TIAM1: variants seen among roughly 807,000 people sequenced by gnomAD.
TIAM1 encodes the protein TIAM Rac1 associated GEF 1.
A neutral mutation model predicts 163.5 loss-of-function variants in TIAM1; 65 were observed. The ratio of observed to expected loss-of-function variants is 0.40; its 90% CI spans 0.33 to 0.49. The LOEUF (loss-of-function observed/expected upper bound fraction) is 0.49, where lower values mean the gene tolerates loss of function less well. Ranked by LOEUF, TIAM1 falls within the 20% of genes least tolerant of loss-of-function variation. The pLI, the probability that TIAM1 is intolerant of heterozygous loss-of-function variation, is 0.77. For synonymous variants in TIAM1, 833 were observed against 810.1 expected (o/e 1.03, Z -0.48); for missense variants, 1,789 against 2,044.7 (o/e 0.87, Z 2.41).
intron 2 of TIAM1, among the ~76,000 whole-genome samples, chr21:31,415,076 T>C (rs572165648): frequency 3.9e-5 from 6 of 152,218 alleles, no homozygotes; most frequent in South Asian, 2.1e-4. Context: ...CTTACACCTA[T>C]AAAACTAAAG....
intron 1 of TIAM1, among the ~76,000 whole-genome samples, chr21:31,468,019 G>A (rs1165160489): frequency 6.6e-6 from 1 of 151,584 alleles, no homozygotes; most frequent in Non-Finnish European, 1.5e-5. Flanking sequence ...CTGGGAGGTG[G>A]AGGTTGCAGT....
chr21:31,452,631 C>T (rs2044910135), intron 2 of TIAM1: 1 of 489,368 alleles, frequency 2.0e-6, no homozygotes, highest in African/African-American at 2.0e-5. Context: ...AAGACTTATC[C>T]ATAATATTTT....
intron 20 of TIAM1, 39 bp downstream of exon 20, chr21:31,146,856 A>G (rs1187717144): frequency 1.3e-6 from 2 of 1,551,926 alleles, no homozygotes; most frequent in African/African-American, 2.7e-5. Flanking sequence ...ACAACTGACA[A>G]GCAACACACC....
chr21:31,543,330 G>A (rs959124480), intron 1 of TIAM1, among the ~76,000 whole-genome samples: 4 of 152,194 alleles, frequency 2.6e-5, no homozygotes, highest in Non-Finnish European at 5.9e-5. Context: ...AATGACCTGC[G>A]CGTCATGCGT....
rs142711558 is a variant in TIAM1 at position 31,354,132 on chromosome 21, C to T, written c.-368-14710G>A. 1.4e-3 allele frequency among the ~76,000 whole-genome samples: 214 copies of T among 152,054 alleles called. 1 individual carries two copies. Among genetic ancestry groups the T allele is most frequent in the African/African-American group, 4.9e-3 (203 of 41,468 alleles). On this transcript the variant is annotated intron_variant, in intron 2 of 28. Transcript: ENST00000286827. ...GATTATAGGTGTGAGCCACCATGCC[C>T]GGCCTTATTATTACTAATATTACCC... is the stretch of plus-strand genomic sequence containing the variant.
At chr21:31,346,111 G>C (rs768219192), upstream of TIAM1, among the ~76,000 whole-genome samples, 36 of 151,920 alleles carry the variant, frequency 2.4e-4, no homozygotes, top group Non-Finnish European at 4.4e-4. Context: ...AGTAGGTAGA[G>C]TCCAGAGATG....
At chr21:31,297,899 A>G (rs570932060) in intron 2 of TIAM1, among the ~76,000 whole-genome samples, 2 of 152,226 alleles carry the variant, frequency 1.3e-5, no homozygotes, top group South Asian at 4.1e-4. Context: ...TAGTGCTCAA[A>G]AGGAATACCA....
intron 15 of TIAM1, among the ~76,000 whole-genome samples, chr21:31,177,405 G>C (rs541971498): frequency 4.5e-4 from 68 of 152,268 alleles, no homozygotes; most frequent in African/African-American, 1.6e-3. Flanking sequence ...CCAGGAGTTC[G>C]AGACCAGCCT....
intron 4 of TIAM1, among the ~76,000 whole-genome samples, chr21:31,255,603 T>TGACA (rs2072054091): frequency 6.6e-6 from 1 of 152,184 alleles, no homozygotes; most frequent in Non-Finnish European, 1.5e-5. Flanking sequence ...TACAGAAGAC[T>TGACA]GACACCACGG....
intron 1 of TIAM1, among the ~76,000 whole-genome samples, chr21:31,529,981 G>A (rs974381031): frequency 7.2e-5 from 11 of 152,034 alleles, no homozygotes; most frequent in Non-Finnish European, 5.9e-5. Flanking sequence ...CTGCTTTTGC[G>A]ACCCCCCTGC....
intron 2 of TIAM1, among the ~76,000 whole-genome samples, chr21:31,457,530 A>G (rs2045151737): frequency 6.6e-6 from 1 of 152,234 alleles, no homozygotes; most frequent in South Asian, 2.1e-4. Flanking sequence ...GATATTTCAT[A>G]AATGACAAAT....
chr21:31,442,087 A>ATATATATATATATATATATATG (rs1273070445), intron 2 of TIAM1, among the ~76,000 whole-genome samples: 3 of 127,208 alleles, frequency 2.4e-5, no homozygotes, highest in Non-Finnish European at 5.1e-5. Flanking sequence ...ATATATATAT[A>ATATATATATATATATATATATG]GAACAATAAG....
chr21:31,258,832 A>G (rs2146781272), intron 4 of TIAM1, among the ~76,000 whole-genome samples: 1 of 150,816 alleles, frequency 6.6e-6, no homozygotes, highest in African/African-American at 2.4e-5. Context: ...AAAAAAAACC[A>G]GAAAGATATA....
intron 1 of TIAM1, among the ~76,000 whole-genome samples, chr21:31,498,951 GAAAGAAAAGA>G (rs56784582): frequency 9.4e-6 from 1 of 106,400 alleles, no homozygotes; most frequent in East Asian, 3.4e-4. Flanking sequence ...ATCAAAAGAA[GAAAGAAAAGA>G]AAAGAAAAGA....
At chr21:31,494,243 C>A (rs2046568926) in intron 1 of TIAM1, among the ~76,000 whole-genome samples, 1 of 152,088 alleles carries the variant, frequency 6.6e-6, no homozygotes, top group Non-Finnish European at 1.5e-5. Context: ...GTACCCTCTA[C>A]AGGCTCTGAA....
chr21:31,136,048 G>C lies in TIAM1; in HGVS notation c.3775-7C>G, dbSNP rs962992204. 4 of 1,610,680 alleles carry C rather than the reference G, an allele frequency of 2.5e-6. No homozygotes were observed. The African/African-American group carries it at 5.3e-5, about 22-fold the overall frequency. On this transcript the variant is annotated splice_region_variant and splice_polypyrimidine_tract_variant and intron_variant, in intron 22 of 27. Coordinates refer to ENST00000541036, the MANE Select transcript of TIAM1 (RefSeq NM_001353694.2). ...CCATGCTCAGATCTGCAACCTGAAA[G>C]CCAGAGACGTGACAAAGCTTACTGG...
At chr21:31,468,775 C>CA (rs58245299) in intron 1 of TIAM1, among the ~76,000 whole-genome samples, 2,635 of 151,404 alleles carry the variant, frequency 0.017, 69 homozygotes, top group African/African-American at 0.059. Flanking sequence ...GACTCCATCT[C>CA]AAAAAAAACG....
intron 2 of TIAM1, among the ~76,000 whole-genome samples, chr21:31,352,140 T>C (rs887529069): frequency 1.3e-5 from 2 of 152,024 alleles, no homozygotes; most frequent in South Asian, 2.1e-4. Context: ...TGAATATTCA[T>C]TGCAGCATTA....
At chr21:31,145,997 T>A (rs527683450) in intron 20 of TIAM1, among the ~76,000 whole-genome samples, 1 of 152,158 alleles carries the variant, frequency 6.6e-6, no homozygotes, top group Admixed American at 6.5e-5. Flanking sequence ...GACTTAGTTA[T>A]GAAGTGTGGT....
Sources: gnomAD v4.1 joint callset for allele counts (sites outside exome capture counted in the v4.1 genomes callset) on GRCh38, gnomAD v4.1.1 for gene constraint, MANE v1.5 for transcripts, NCBI Gene and HGNC (gene_info 2026-07-23, HGNC 2026-07-21) for gene names.